The following MAST4 variants were observed in gnomAD, a reference collection of about 807,000 sequenced individuals.
The protein encoded by MAST4 is microtubule-associated serine/threonine-protein kinase 4.
MAST4 carries 89 observed loss-of-function variants against 162.7 expected under a neutral mutation model. The ratio of observed to expected loss-of-function variants is 0.55; its 90% CI spans 0.46 to 0.65. The LOEUF (loss-of-function observed/expected upper bound fraction) is 0.65, where lower values mean the gene tolerates loss of function less well. MAST4 is among the 30% of genes least tolerant of loss of function. The probability of loss-of-function intolerance (pLI) is 0.00; values close to 1 mark genes in which losing one functional copy is unlikely to be tolerated. For missense variants in MAST4, 3,153 were observed against 3,374.0 expected (o/e 0.93, Z 1.62); for synonymous variants, 1,479 against 1,361.1 (o/e 1.09, Z -1.91).
chr5:66,879,210 C>T (rs549215908), intron 3 of MAST4, among the ~76,000 whole-genome samples: 4 of 152,088 alleles, frequency 2.6e-5, no homozygotes, highest in African/African-American at 7.2e-5. Context: ...ACCCGGGAGG[C>T]GGAGCTTGCA....
chr5:67,062,128 G>A (rs942437049), intron 5 of MAST4, among the ~76,000 whole-genome samples: 10 of 152,270 alleles, frequency 6.6e-5, no homozygotes, highest in East Asian at 3.9e-4. Flanking sequence ...TGGGCTGGGC[G>A]CGGTGGCTCA....
At position 67,164,138 on chromosome 5, in the gene MAST4, C is replaced by G; in HGVS notation, c.4959C>G (p.Leu1653=). 6.2e-7 allele frequency: 1 copy of G among 1,604,574 alleles called. No individual in the cohort carries two copies. The part of the protein sequence containing the change: ...GTLQDGLCHS[L]DRGISGKGEG... ...TCCAGGATGGTCTCTGCCACTCCCTCGACAGGGGCATCTCTGGGAAGGGGG... is the reference window on the plus strand; with the variant it reads ...TCCAGGATGGTCTCTGCCACTCCCTGGACAGGGGCATCTCTGGGAAGGGGG... The change falls in exon 29 of 29, where the codon CTC becomes CTG. Residue 1653 remains leucine (L), a synonymous_variant. Transcript: ENST00000403625. The surrounding 1 kb of genome is among the most constrained non-coding windows in gnomAD (Gnocchi z 5.3).
At chr5:66,667,183 C>T (rs578122153) in intron 1 of MAST4, among the ~76,000 whole-genome samples, 1 of 152,252 alleles carries the variant, frequency 6.6e-6, no homozygotes, top group South Asian at 2.1e-4. Flanking sequence ...GAAAAATGAA[C>T]TGCTTTAGAC....
At chr5:66,768,600 G>A (rs1257747025) in intron 2 of MAST4, among the ~76,000 whole-genome samples, 1 of 152,140 alleles carries the variant, frequency 6.6e-6, no homozygotes, top group Non-Finnish European at 1.5e-5. Context: ...TATAGAACTG[G>A]AGGACTGATT....
chr5:67,078,911 AATATATATATAT>A (rs750951069), intron 5 of MAST4, among the ~76,000 whole-genome samples: 10 of 38,108 alleles, frequency 2.6e-4, no homozygotes, highest in African/African-American at 1.1e-3. Context: ...TTTTTATATA[AATATATATATAT>A]ATATATATAT....
intron 4 of MAST4, among the ~76,000 whole-genome samples, chr5:66,996,113 A>G (rs932223155): frequency 6.6e-6 from 1 of 152,034 alleles, no homozygotes; most frequent in African/African-American, 2.4e-5. Flanking sequence ...TCCTGTCTCT[A>G]CTAAAAATAC....
At chr5:66,908,107 A>G (rs1763508222) in intron 4 of MAST4, among the ~76,000 whole-genome samples, 1 of 152,212 alleles carries the variant, frequency 6.6e-6, no homozygotes, top group Non-Finnish European at 1.5e-5. Flanking sequence ...AGAATAGTGT[A>G]ATCTATCCTG....
chr5:66,639,326 CAG>C (rs949738662), intron 1 of MAST4, among the ~76,000 whole-genome samples: 10 of 100,650 alleles, frequency 9.9e-5, no homozygotes, highest in African/African-American at 3.1e-4. Flanking sequence ...TAAGAAGAAA[CAG>C]AAAACTGGAC....
At position 67,091,183 on chromosome 5, in the gene MAST4, T is replaced by C. The variant is rs529393133; in HGVS notation, c.833+952T>C. On this transcript the variant is annotated intron_variant, in intron 6 of 28. Coordinates refer to ENST00000403625, the MANE Select transcript of MAST4 (RefSeq NM_001164664.2). The stretch of plus-strand genomic sequence containing the variant: ...TGTGACTAACTAGCAAAACTTGCAG[T>C]GCCCTCACGACCGTTTGTCAGCATG... Among the ~76,000 whole-genome samples, 5 of 152,342 alleles carry C rather than the reference T, an allele frequency of 3.3e-5. No individual in the cohort carries two copies. In the South Asian group the frequency reaches 1.0e-3, roughly 32 times the overall value.
chr5:67,005,248 C>T (rs1751873660), intron 4 of MAST4, among the ~76,000 whole-genome samples: 1 of 152,190 alleles, frequency 6.6e-6, no homozygotes, highest in African/African-American at 2.4e-5. Context: ...TCAGGTATTT[C>T]TTCGTCCTTG....
intron 4 of MAST4, among the ~76,000 whole-genome samples, chr5:66,943,358 C>T (rs1743587356): frequency 6.6e-6 from 1 of 152,050 alleles, no homozygotes. Flanking sequence ...AATGCATGTT[C>T]TCATTGTGTT....
intron 2 of MAST4, among the ~76,000 whole-genome samples, chr5:66,785,129 G>A (rs188698353): frequency 1.6e-3 from 248 of 152,310 alleles, no homozygotes; most frequent in African/African-American, 5.5e-3. Context: ...TACTTGGGAG[G>A]CTGAGGCAGG....
chr5:66,664,925 G>A (rs375928260), intron 1 of MAST4, among the ~76,000 whole-genome samples: 1 of 152,196 alleles, frequency 6.6e-6, no homozygotes, highest in Non-Finnish European at 1.5e-5. Context: ...AGAGTTAACT[G>A]GAAGGCAAGT....
At chr5:66,752,800 A>G (rs558696277) in intron 1 of MAST4, among the ~76,000 whole-genome samples, 1 of 151,568 alleles carries the variant, frequency 6.6e-6, no homozygotes, top group African/African-American at 2.4e-5. Flanking sequence ...CGGACCTAAT[A>G]GACATCTACA....
In MAST4 at chr5:67,165,394, T is replaced by G. The variant is rs1305420228; in HGVS notation, c.6215T>G (p.Leu2072Arg). 1 of 1,613,828 alleles carries G rather than the reference T, an allele frequency of 6.2e-7. No homozygotes were observed. Among genetic ancestry groups the G allele is most frequent in the Non-Finnish European group, 8.5e-7 (1 of 1,179,868 alleles). ...HSAGIPCEKELGKVRRGVEPK... is the reference protein window; with the variant it reads ...HSAGIPCEKERGKVRRGVEPK... Reference sequence around the variant, plus strand: ...GCTGGAATTCCCTGTGAGAAGGAGCTGGGCAAGGTGAGGCGTGGCGTGGAA... The same window carrying G: ...GCTGGAATTCCCTGTGAGAAGGAGCGGGGCAAGGTGAGGCGTGGCGTGGAA... Residue 2072 changes from leucine to arginine, a missense_variant, in exon 29 of 29, where the codon CTG becomes CGG. Leu to Arg is a moderately radical substitution (Grantham distance 102). Coordinates refer to ENST00000403625, the MANE Select transcript of MAST4 (RefSeq NM_001164664.2).
At chr5:67,124,879 G>T (rs904236920) in intron 14 of MAST4, among the ~76,000 whole-genome samples, 105 of 152,054 alleles carry the variant, frequency 6.9e-4, no homozygotes, top group African/African-American at 2.5e-3. Context: ...TGGTCATATT[G>T]GGCCGGAGGC....
chr5:67,120,287 C>T (rs906573104), intron 13 of MAST4, among the ~76,000 whole-genome samples: 1 of 152,136 alleles, frequency 6.6e-6, no homozygotes, highest in Non-Finnish European at 1.5e-5. Flanking sequence ...GATGACAGCC[C>T]TGAGTTGAGG....
chr5:67,078,918 A>ATAT (rs1554093907), intron 5 of MAST4, among the ~76,000 whole-genome samples: 3 of 58,938 alleles, frequency 5.1e-5, no homozygotes, highest in African/African-American at 2.9e-4. Context: ...ATAAATATAT[A>ATAT]TATATATATA....
chr5:66,917,220 G>T, intron 4 of MAST4: 1 of 503,968 alleles, frequency 2.0e-6, no homozygotes, highest in Non-Finnish European at 3.6e-6. Flanking sequence ...ATTTTCATAT[G>T]TTTACTCTTC....
Sources: allele counts gnomAD v4.1 joint callset (sites outside exome capture counted in the v4.1 genomes callset), GRCh38; gene constraint gnomAD v4.1.1; non-coding constraint Gnocchi (gnomAD v3.1); transcripts MANE v1.5; gene names NCBI Gene and HGNC (gene_info 2026-07-23, HGNC 2026-07-21).